SERAC1: variants seen among roughly 807,000 people sequenced by gnomAD.
SERAC1 encodes serine active site containing 1, also known as protein SERAC1.
In SERAC1, 36 loss-of-function variants were observed where a neutral mutation model predicts 85.7. The observed-to-expected ratio is 0.42, with a 90% confidence interval of 0.32 to 0.55. The LOEUF (loss-of-function observed/expected upper bound fraction) is 0.55, where lower values mean the gene tolerates loss of function less well. Ranked by LOEUF, SERAC1 falls within the 20% of genes least tolerant of loss-of-function variation. SERAC1 has a pLI of 0.11. For missense variants in SERAC1, 629 were observed against 796.2 expected, an observed-to-expected ratio of 0.79 and a Z score of 2.53; for synonymous variants, 242 against 265.3, an observed-to-expected ratio of 0.91 and a Z score of 0.85.
Position 158,158,292 on chromosome 6 carries a change from G to T in SERAC1, c.72C>A (p.Gly24=). 1.2e-6 allele frequency: 2 copies of T among 1,611,946 alleles called. No homozygotes were observed. The highest frequency in any genetic ancestry group is 1.7e-4 in the Middle Eastern group (1 of 6,060). ...IGTSTSPPKS[G]THWRDIRNII... is the part of the protein sequence containing the mutation. ...ACTCACTGATATCTCTCCAGTGTGT[G>T]CCACTTTTTGGTGGGGAAGTAGAGG... is the stretch of plus-strand genomic sequence containing the variant. The change falls in exon 2 of 17, where the codon GGC becomes GGA. Residue 24 remains glycine, a synonymous_variant. Transcript: ENST00000647468.
At chr6:158,134,333 C>T (rs1041796971) in intron 8 of SERAC1, among the ~76,000 whole-genome samples, 2 of 152,210 alleles carry the variant, frequency 1.3e-5, no homozygotes, top group Admixed American at 6.5e-5. Flanking sequence ...TTACTAAATA[C>T]CATTAGCCCT....
At chr6:158,129,757 C>T (rs950678171) in intron 9 of SERAC1, among the ~76,000 whole-genome samples, 2 of 149,558 alleles carry the variant, frequency 1.3e-5, no homozygotes, top group African/African-American at 4.9e-5. Flanking sequence ...AGTGCAGTGG[C>T]ACAATCTCAG....
rs546374310 is a variant in SERAC1 at position 158,144,325 on chromosome 6, G to A, written c.583C>T (p.Pro195Ser). ...TCTTTTAAAGATGGCAAAGGAGGTG[G>A]TAGGAGAAAAAAGCGAAGATCACTC... ...EESDLRFFLL[P>S]PPLPSLKEDS... The change falls in exon 7 of 17, where the codon CCA becomes TCA. Residue 195 changes from proline (P) to serine (S), a missense_variant. By Grantham distance (74) the Pro-to-Ser change is moderately conservative. Coordinates refer to ENST00000647468, the MANE Select transcript of SERAC1 (RefSeq NM_032861.4). 4.7e-5 allele frequency: 75 copies of A among 1,612,176 alleles called. 1 individual carries two copies. In the South Asian group the frequency reaches 7.9e-4, roughly 17 times the overall value.
intron 3 of SERAC1, among the ~76,000 whole-genome samples, chr6:158,152,129 A>C (rs921951098): frequency 6.6e-6 from 1 of 152,208 alleles, no homozygotes; most frequent in African/African-American, 2.4e-5. Context: ...CTGTAGTACC[A>C]GCTAGTTAGA....
chr6:158,130,369 T>A lies in SERAC1; in HGVS notation c.852+4A>T. The stretch of plus-strand genomic sequence containing the variant: ...GTAAACTACATTTTGAAAATGTAAA[T>A]TACCTCAGAATGTTTTACTATAGCT... On this transcript the variant is annotated splice_donor_region_variant and intron_variant, in intron 9 of 16. Transcript: ENST00000647468. 2.1e-6 allele frequency: 3 copies of A among 1,453,200 alleles called. No homozygotes were observed. The highest frequency in any genetic ancestry group is 2.8e-6 in the Non-Finnish European group (3 of 1,079,658). 90.0% of individuals were successfully genotyped at this position (1,453,200 alleles called of 1,614,324 possible). A position where few individuals can be genotyped will look rare whatever the true frequency, so the allele number is the denominator to read the frequency against.
chr6:158,114,902 G>A lies in SERAC1; in HGVS notation c.1571C>T (p.Thr524Ile). ...GACACTATAAAAAATTATTCCTCTG[G>A]TATTGTTGATAACAGTACTCATTTC... ...KPEMSTVINN[T>I]RGIIFYSVPH... The change falls in exon 15 of 17, where the codon ACC becomes ATC. Residue 524 changes from threonine (T) to isoleucine (I), a missense_variant. Transcript: ENST00000647468. The A allele has an allele frequency of 6.2e-7, 1 of 1,613,726 alleles. No individual in the cohort carries two copies.
chr6:158,119,768 C>T lies in SERAC1; in HGVS notation c.1167-598G>A, dbSNP rs1324606403. The stretch of plus-strand genomic sequence containing the variant: ...TACAAATTGTAATTAACCAGGTAAT[C>T]CACTTTTTAATTTAAAAGTTTTTGC... On this transcript the variant is annotated intron_variant, in intron 11 of 16. Transcript: ENST00000647468. This position sits in a 1 kb window ranked among gnomAD's most constrained non-coding sequence, Gnocchi z 4.5. 6.6e-6 allele frequency among the ~76,000 whole-genome samples: 1 copy of T among 152,106 alleles called. No homozygotes were observed. The highest frequency in any genetic ancestry group is 1.5e-5 in the Non-Finnish European group (1 of 68,016).
chr6:158,142,627 C>G (rs914155943), intron 8 of SERAC1, among the ~76,000 whole-genome samples: 1 of 152,118 alleles, frequency 6.6e-6, no homozygotes, highest in South Asian at 2.1e-4. Flanking sequence ...TGGGCATGTG[C>G]CACCACGCCC....
At chr6:158,124,748 AACACACACACAC>A (rs201023302) in intron 10 of SERAC1, among the ~76,000 whole-genome samples, 69 of 131,476 alleles carry the variant, frequency 5.2e-4, no homozygotes, top group African/African-American at 1.7e-3. Flanking sequence ...AATGCTGGAA[AACACACACACAC>A]ACACACACAC....
At chr6:158,138,053 A>AAC (rs750068784) in intron 8 of SERAC1, among the ~76,000 whole-genome samples, 6 of 152,018 alleles carry the variant, frequency 3.9e-5, no homozygotes, top group Non-Finnish European at 5.9e-5. Flanking sequence ...GTTAACTATG[A>AAC]ACACACACAC....
chr6:158,147,604 CA>C (rs11287217), intron 5 of SERAC1, among the ~76,000 whole-genome samples: 45,429 of 124,142 alleles, frequency 0.37, 7,943 homozygotes, highest in Admixed American at 0.54. Flanking sequence ...ACTAAAAATA[CA>C]AAAAAAAAAA....
chr6:158,140,595 T>C (rs1206159392), intron 8 of SERAC1, among the ~76,000 whole-genome samples: 1 of 152,202 alleles, frequency 6.6e-6, no homozygotes, highest in Non-Finnish European at 1.5e-5. Context: ...CCATGAGTCG[T>C]CCCAGTAAAT....
At chr6:158,147,788 A>G (rs1182995270) in intron 5 of SERAC1, among the ~76,000 whole-genome samples, 14 of 108,200 alleles carry the variant, frequency 1.3e-4, no homozygotes, top group African/African-American at 3.5e-4. Flanking sequence ...AAAAAAAAAA[A>G]AAAAAAAAAA....
intron 16 of SERAC1, chr6:158,112,496 CTCT>C (rs1215716412): frequency 3.3e-5 from 5 of 152,196 alleles, no homozygotes; most frequent in African/African-American, 1.2e-4. Context: ...TTCTTTGGAA[CTCT>C]TCAAGTTCTT....
rs3003562 is a variant in SERAC1 at position 158,143,353 on chromosome 6, A to C, written c.610-169T>G. Among the ~76,000 whole-genome samples, 2,276 of 35,370 alleles carry C rather than the reference A, an allele frequency of 0.064. 14 individuals are homozygous for C. The highest frequency in any genetic ancestry group is 0.078 in the African/African-American group (539 of 6,910). 23.2% of individuals were successfully genotyped at this position (35,370 alleles called of 152,430 possible). On this transcript the variant is annotated intron_variant, in intron 7 of 16. Transcript: ENST00000647468. ...TCTCTCTCTCTCTCTCTCTCTATAT[A>C]TATATATATATATATATATATACAC...
intron 8 of SERAC1, among the ~76,000 whole-genome samples, chr6:158,136,011 T>C (rs1045742441): frequency 3.3e-5 from 5 of 151,994 alleles, no homozygotes; most frequent in African/African-American, 1.2e-4. Context: ...GGGGTTTCAC[T>C]GTGTTAGCCA....
chr6:158,154,981 T>C (rs1785294484), intron 3 of SERAC1, among the ~76,000 whole-genome samples: 1 of 151,634 alleles, frequency 6.6e-6, no homozygotes, highest in Non-Finnish European at 1.5e-5. Flanking sequence ...GAGTGCCCAA[T>C]TTAAGCCTGC....
At position 158,150,498 on chromosome 6, in the gene SERAC1, A is replaced by G. The variant is rs371188734; in HGVS notation, c.220T>C (p.Tyr74His). ...AAAGAAACTGTGTGCACATATATAT[A>G]TGACTTCATTTTTTCTCGTTCTACC... ...QVVEREKMKSYIYVHTVSLDK... is the reference protein window; with the variant it reads ...QVVEREKMKSHIYVHTVSLDK... The change falls in exon 4 of 17, where the codon TAT becomes CAT. Residue 74 changes from tyrosine to histidine, a missense_variant. Tyr to His is a moderately conservative substitution (Grantham distance 83). Coordinates refer to ENST00000647468, the MANE Select transcript of SERAC1 (RefSeq NM_032861.4). 3.2e-6 allele frequency: 5 copies of G among 1,582,152 alleles called. No homozygotes were observed. Among genetic ancestry groups the G allele is most frequent in the African/African-American group, 2.7e-5 (2 of 74,298 alleles).
intron 8 of SERAC1, among the ~76,000 whole-genome samples, chr6:158,137,442 TTTAC>T (rs1784819962): frequency 6.6e-6 from 1 of 152,090 alleles, no homozygotes; most frequent in Non-Finnish European, 1.5e-5. Context: ...AAACAATGTA[TTTAC>T]TTAAAGGATG....
Sources: gnomAD v4.1 joint callset for allele counts (sites outside exome capture counted in the v4.1 genomes callset) on GRCh38, gnomAD v4.1.1 for gene constraint, Gnocchi (gnomAD v3.1) non-coding constraint, MANE v1.5 for transcripts, NCBI Gene and HGNC (gene_info 2026-07-23, HGNC 2026-07-21) for gene names.